The following AFF2 variants were observed in gnomAD, a reference collection of about 807,000 sequenced individuals.
AFF2 encodes AF4/FMR2 family member 2.
In AFF2, 14 loss-of-function variants were observed where a neutral mutation model predicts 76.9. That is an observed-to-expected ratio of 0.18 (90% CI 0.12 to 0.28). The LOEUF (loss-of-function observed/expected upper bound fraction) is 0.28, where lower values mean the gene tolerates loss of function less well. AFF2 is among the 10% of genes least tolerant of loss of function. The pLI is 1.00. For missense variants in AFF2, 868 were observed against 1,001.1 expected (o/e 0.87, Z 1.79); for synonymous variants, 398 against 366.7 (o/e 1.09, Z -0.98).
chrX:148,756,390 A>G (rs1557266893), intron 3 of AFF2, among the ~76,000 whole-genome samples: 1 of 112,400 alleles, frequency 8.9e-6, no homozygotes, highest in Admixed American at 9.4e-5. Context: ...ATCTCATATG[A>G]AAGACTTAAC....
At chrX:148,821,853 C>G (rs1557272575) in intron 4 of AFF2, among the ~76,000 whole-genome samples, 1 of 111,158 alleles carries the variant, frequency 9.0e-6, no homozygotes, top group Non-Finnish European at 1.9e-5. Context: ...AAGGCCCCCC[C>G]ACATACATGC....
At chrX:148,803,170 A>G (rs782256312) in intron 3 of AFF2, among the ~76,000 whole-genome samples, 1 of 111,625 alleles carries the variant, frequency 9.0e-6, no homozygotes, top group South Asian at 3.8e-4. Context: ...CAGGGCCAGA[A>G]GATCTGAGGA....
chrX:148,916,073 G>A (rs2071523798), intron 9 of AFF2, among the ~76,000 whole-genome samples: 1 of 111,493 alleles, frequency 9.0e-6, no homozygotes, highest in Non-Finnish European at 1.9e-5. Context: ...TGCCCTTCCT[G>A]CAAGGATGCT....
At chrX:148,678,905 G>A (rs1283469303) in intron 3 of AFF2, among the ~76,000 whole-genome samples, 1 of 111,164 alleles carries the variant, frequency 9.0e-6, no homozygotes, top group African/African-American at 3.3e-5. Context: ...AAGATTGAAC[G>A]ATTGACTGCC....
chrX:148,813,911 C>T (rs1557271972), intron 4 of AFF2, among the ~76,000 whole-genome samples: 1 of 112,354 alleles, frequency 8.9e-6, no homozygotes, highest in African/African-American at 3.2e-5. Flanking sequence ...GACCTTCTCC[C>T]ACAAAATGAG....
At chrX:148,679,229 T>A (rs924718299) in intron 3 of AFF2, among the ~76,000 whole-genome samples, 3 of 103,196 alleles carry the variant, frequency 2.9e-5, no homozygotes, top group Non-Finnish European at 5.9e-5. Flanking sequence ...CCATACTAGA[T>A]GACTGCTAAG....
chrX:148,780,609 T>C (rs1165463192), intron 3 of AFF2, among the ~76,000 whole-genome samples: 1 of 112,014 alleles, frequency 8.9e-6, no homozygotes. Flanking sequence ...AGGTCATTTA[T>C]GTTCTTCTCT....
intron 5 of AFF2, 93 bp from the exon 6 acceptor site, chrX:148,842,873 T>C (rs2070617267): frequency 4.3e-6 from 3 of 702,501 alleles, no homozygotes; most frequent in Non-Finnish European, 6.1e-6. Flanking sequence ...TTGCAAACAT[T>C]AGTCAACTAT....
chrX:148,796,544 C>G (rs1425025253), intron 3 of AFF2, among the ~76,000 whole-genome samples: 1 of 112,167 alleles, frequency 8.9e-6, no homozygotes, highest in Non-Finnish European at 1.9e-5. Flanking sequence ...TTGCATTAGA[C>G]AATGCGAAAG....
chrX:148,884,298 G>T (rs2071131229), intron 7 of AFF2, among the ~76,000 whole-genome samples: 1 of 112,249 alleles, frequency 8.9e-6, no homozygotes, highest in African/African-American at 3.2e-5. Flanking sequence ...CTTTATATCA[G>T]TCTTTGGTTT....
chrX:148,730,772 T>A (rs1027595071), intron 3 of AFF2, among the ~76,000 whole-genome samples: 2 of 112,389 alleles, frequency 1.8e-5, no homozygotes, highest in Non-Finnish European at 3.8e-5. Context: ...GGCTTAAAAC[T>A]AGTTCACCAG....
At chrX:148,978,859 T>G (rs2072358182) in intron 18 of AFF2, among the ~76,000 whole-genome samples, 1 of 111,973 alleles carries the variant, frequency 8.9e-6, no homozygotes, top group African/African-American at 3.3e-5. Flanking sequence ...TGGCTCTATG[T>G]GCACGTCCAC....
intron 1 of AFF2, among the ~76,000 whole-genome samples, chrX:148,587,084 A>G (rs2053476797): frequency 8.9e-6 from 1 of 111,766 alleles, no homozygotes; most frequent in African/African-American, 3.3e-5. Context: ...TCATCACTCT[A>G]GCCTATACTC....
intron 3 of AFF2, among the ~76,000 whole-genome samples, chrX:148,708,923 G>T (rs2054923193): frequency 9.0e-6 from 1 of 111,441 alleles, no homozygotes; most frequent in African/African-American, 3.3e-5. Context: ...TTTTTGATTT[G>T]ATGTAACAAA....
chrX:148,843,240 T>C (rs782463554), intron 6 of AFF2, 142 bp from the exon 7 acceptor site: 89 of 519,395 alleles, frequency 1.7e-4, no homozygotes, highest in African/African-American at 1.1e-3. Context: ...TCTAACTGGT[T>C]CCCCCCCTTT....
intron 4 of AFF2, among the ~76,000 whole-genome samples, chrX:148,830,779 G>T (rs1432357680): frequency 9.0e-6 from 1 of 111,704 alleles, no homozygotes. Flanking sequence ...GAAGTTTCGG[G>T]CATGCATTGT....
At chrX:148,609,151 A>G (rs1435615566) in intron 1 of AFF2, among the ~76,000 whole-genome samples, 3 of 111,343 alleles carry the variant, frequency 2.7e-5, no homozygotes, top group Non-Finnish European at 5.7e-5. Flanking sequence ...GGGCTCGCAT[A>G]TAGATTTGCC....
chrX:148,532,618 G>A (rs2052741653), intron 1 of AFF2, among the ~76,000 whole-genome samples: 1 of 112,397 alleles, frequency 8.9e-6, no homozygotes, highest in Non-Finnish European at 1.9e-5. Context: ...TGTAGTTAAA[G>A]AACAATTGAA....
In AFF2 at chrX:148,956,518, A is replaced by G. The variant is rs1557287406; in HGVS notation, c.2473A>G (p.Lys825Glu). ...CAGCTCACTCCATGCAGCACCTGCC[A>G]AGCCAGACCACAAGGAGACTGCCAC... ...GHSSLHAAPA[K>E]PDHKETATKP... The change falls in exon 11 of 21, where the codon AAG becomes GAG. Residue 825 changes from lysine to glutamate, a missense_variant. This residue lies in a region of AFF2 where 532 missense variants were observed against 564.2 expected (regional missense o/e 0.94). Transcript: ENST00000370460. 8.3e-7 allele frequency: 1 copy of G among 1,212,056 alleles called. No individual in the cohort carries two copies. The highest frequency in any genetic ancestry group is 2.2e-5 in the Admixed American group (1 of 46,092).
Sources: allele counts gnomAD v4.1 joint callset (sites outside exome capture counted in the v4.1 genomes callset), GRCh38; gene constraint gnomAD v4.1.1; regional missense constraint gnomAD v4.1.1; transcripts MANE v1.5; gene names NCBI Gene and HGNC (gene_info 2026-07-23, HGNC 2026-07-21).